Variants in CENPP observed in about 807,000 individuals in gnomAD.
CENPP encodes the protein centromere protein P.
CENPP carries 24 observed loss-of-function variants against 35.6 expected under a neutral mutation model. That is an observed-to-expected ratio of 0.67 (90% confidence interval 0.49 to 0.95). The LOEUF is 0.95. CENPP is among the 40% of genes least tolerant of loss of function. CENPP has a pLI of 0.00. For missense variants in CENPP, 332 were observed against 345.3 expected (o/e 0.96, Z 0.31); for synonymous variants, 120 against 125.5 (o/e 0.96, Z 0.29).
intron 5 of CENPP, among the ~76,000 whole-genome samples, chr9:92,549,423 G>C (rs1368523912): frequency 6.6e-6 from 1 of 152,124 alleles, no homozygotes; most frequent in Admixed American, 6.5e-5. Flanking sequence ...GAGACGGGTG[G>C]ATCACTTGAG....
intron 5 of CENPP, among the ~76,000 whole-genome samples, chr9:92,425,437 A>G (rs1272902262): frequency 6.6e-6 from 1 of 152,240 alleles, no homozygotes. Context: ...TCTCCTGAAT[A>G]GTAACAGTTA....
At chr9:92,354,868 T>C (rs556215608) in intron 4 of CENPP, among the ~76,000 whole-genome samples, 4 of 152,220 alleles carry the variant, frequency 2.6e-5, no homozygotes, top group African/African-American at 9.6e-5. Flanking sequence ...TGACGTCACA[T>C]ATCAGTAGGA....
At chr9:92,514,565 G>A (rs771265676) in intron 5 of CENPP, 271 of 1,515,166 alleles carry the variant, frequency 1.8e-4, no homozygotes, top group Middle Eastern at 3.6e-4. Flanking sequence ...GTGAGCCACC[G>A]TGCCCAGCTG....
At chr9:92,336,080 T>G (rs932149858) in intron 2 of CENPP, among the ~76,000 whole-genome samples, 1 of 152,210 alleles carries the variant, frequency 6.6e-6, no homozygotes, top group Admixed American at 6.5e-5. Context: ...CTCTTTAGTC[T>G]CCTTAATCTG....
chr9:92,382,886 G>C (rs1393914493), intron 5 of CENPP, among the ~76,000 whole-genome samples: 1 of 120,728 alleles, frequency 8.3e-6, no homozygotes, highest in Admixed American at 9.0e-5. Context: ...GTACCACACT[G>C]TTTTCCTTTT....
intron 5 of CENPP, chr9:92,536,639 GTTTC>G (rs1341175336): frequency 6.6e-6 from 1 of 152,228 alleles, no homozygotes; most frequent in Non-Finnish European, 1.5e-5. Context: ...TTTGGCCTCA[GTTTC>G]TTTATCTGCA....
intron 5 of CENPP, among the ~76,000 whole-genome samples, chr9:92,591,548 A>G (rs998031070): frequency 1.3e-5 from 2 of 151,746 alleles, no homozygotes; most frequent in African/African-American, 2.4e-5. Flanking sequence ...ACGGCATTCC[A>G]GATACCACAG....
At chr9:92,609,180 G>A (rs912344756) in intron 5 of CENPP, among the ~76,000 whole-genome samples, 7 of 152,214 alleles carry the variant, frequency 4.6e-5, no homozygotes, top group South Asian at 2.1e-4. Context: ...GTAAGCTTCC[G>A]CCAGGCCCCT....
chr9:92,366,177 C>CAAA lies in CENPP; in HGVS notation c.468-13567_468-13565dup, dbSNP rs79052877. ...CCTGGGTGACAGTAAGACTCCGTCT[C>CAAA]AAAAAAAAAAAAAAAAAAAAAGAAT... is the stretch of plus-strand genomic sequence containing the variant. On this transcript the variant is annotated intron_variant, in intron 4 of 7. Transcript: ENST00000375587. 8.3e-4 allele frequency among the ~76,000 whole-genome samples: 43 copies of CAAA among 51,938 alleles called. 1 individual carries two copies. The highest frequency in any genetic ancestry group is 2.4e-3 in the African/African-American group (33 of 13,962). The allele number at this position is 51,938 out of a possible 152,430, so 34.1% of individuals were successfully genotyped here.
rs1845709094 is a variant in CENPP, at chr9:92,476,196, A to G, written c.564+96337A>G. ...TGCCATTGCCCGAGTGCCAGAGAGC[A>G]GCTGAGCTGCAAAAGACTTCTATAG... On this transcript the variant is annotated intron_variant, in intron 5 of 7. Coordinates refer to ENST00000375587, the MANE Select transcript of CENPP (RefSeq NM_001012267.3). The surrounding 1 kb of genome is among the most constrained non-coding windows in gnomAD (Gnocchi z 4.1). Among the ~76,000 whole-genome samples, 1 of 152,134 alleles carries G rather than the reference A, an allele frequency of 6.6e-6. No individual in the cohort carries two copies. The highest frequency in any genetic ancestry group is 1.5e-5 in the Non-Finnish European group (1 of 68,018).
intron 5 of CENPP, among the ~76,000 whole-genome samples, chr9:92,383,611 G>A (rs1257309878): frequency 6.6e-6 from 1 of 151,836 alleles, no homozygotes. Flanking sequence ...CTGAATCTTG[G>A]TGGTATAATT....
At chr9:92,523,577 A>G (rs2131249426) in intron 5 of CENPP, among the ~76,000 whole-genome samples, 1 of 152,362 alleles carries the variant, frequency 6.6e-6, no homozygotes, top group Non-Finnish European at 1.5e-5. Flanking sequence ...GAGTACAATC[A>G]CTTAGATCTA....
At chr9:92,470,563 T>C in intron 5 of CENPP, 1 of 579,190 alleles carries the variant, frequency 1.7e-6, no homozygotes, top group Non-Finnish European at 2.8e-6. Flanking sequence ...TGTCATTCTT[T>C]ACAGAAAAGT....
rs1354272520 is a variant in CENPP at position 92,613,562 on chromosome 9, A to G, written c.*413A>G. 4.9e-5 allele frequency: 10 copies of G among 202,120 alleles called. No individual in the cohort carries two copies. The highest frequency in any genetic ancestry group is 4.1e-5 in the Non-Finnish European group (4 of 97,618). 12.5% of individuals were successfully genotyped at this position (202,120 alleles called of 1,614,324 possible). A position where few individuals can be genotyped will look rare whatever the true frequency, so the allele number is the denominator to read the frequency against. On this transcript the variant is annotated 3_prime_UTR_variant, in exon 8 of 8. Coordinates refer to ENST00000375587, the MANE Select transcript of CENPP (RefSeq NM_001012267.3). ...CTGGGGGCTCTGGAGACGGATGCCT[A>G]TGGCGCCTCATCTTTAAACTGTCCT...
intron 5 of CENPP, among the ~76,000 whole-genome samples, chr9:92,441,682 C>T (rs560002691): frequency 2.0e-5 from 3 of 152,248 alleles, no homozygotes; most frequent in African/African-American, 4.8e-5. Flanking sequence ...TCACTTCAAC[C>T]GTGGAGGTGG....
intron 5 of CENPP, chr9:92,500,780 C>T (rs767576492): frequency 6.2e-7 from 1 of 1,614,052 alleles, no homozygotes; most frequent in Non-Finnish European, 8.5e-7. Flanking sequence ...TTTCTTGTAT[C>T]CCAGGTGGTA....
intron 4 of CENPP, among the ~76,000 whole-genome samples, chr9:92,364,726 A>T (rs368838086): frequency 1.3e-5 from 2 of 152,360 alleles, no homozygotes; most frequent in Middle Eastern, 3.4e-3. Flanking sequence ...GAATACAATG[A>T]TGAACAAGAT....
At position 92,391,241 on chromosome 9, in the gene CENPP, CA is replaced by C. The variant is rs770262906; in HGVS notation, c.564+11398del. On this transcript the variant is annotated intron_variant, in intron 5 of 7. Coordinates refer to ENST00000375587, the MANE Select transcript of CENPP (RefSeq NM_001012267.3). ...GAAACCCCATCTCTACTAAAAATACCAAAAAAAAAAAAAAAATTAGCCAGGC... is the reference window on the plus strand; with the variant it reads ...GAAACCCCATCTCTACTAAAAATACCAAAAAAAAAAAAAAATTAGCCAGGC... Among the ~76,000 whole-genome samples, 1,169 of 129,068 alleles carry C rather than the reference CA, an allele frequency of 9.1e-3. 6 individuals carry two copies. Among genetic ancestry groups the C allele is most frequent in the East Asian group, 0.013 (60 of 4,530 alleles). The allele number at this position is 129,068 out of a possible 152,430, so 84.7% of individuals were successfully genotyped here.
chr9:92,352,074 T>C (rs1224740387), intron 4 of CENPP, among the ~76,000 whole-genome samples: 2 of 149,244 alleles, frequency 1.3e-5, no homozygotes, highest in African/African-American at 4.9e-5. Flanking sequence ...GCACCATCTA[T>C]ATAAGATAGT....
Sources: gnomAD v4.1 joint callset for allele counts (sites outside exome capture counted in the v4.1 genomes callset) on GRCh38, gnomAD v4.1.1 for gene constraint, Gnocchi (gnomAD v3.1) non-coding constraint, MANE v1.5 for transcripts, NCBI Gene and HGNC (gene_info 2026-07-23, HGNC 2026-07-21) for gene names.